Variants in KIF26B observed in about 807,000 individuals in gnomAD.
KIF26B encodes kinesin family member 26B.
In KIF26B, 63 loss-of-function variants were observed where a neutral mutation model predicts 151.2. That is an observed-to-expected ratio of 0.42 (90% confidence interval 0.34 to 0.51). The LOEUF (loss-of-function observed/expected upper bound fraction) is 0.51. KIF26B is among the 20% of genes least tolerant of loss of function. The pLI is 0.07. For synonymous variants in KIF26B, 1,357 were observed against 1,262.1 expected (o/e 1.08, Z -1.59); for missense variants, 2,813 against 2,913.6 (o/e 0.97, Z 0.79).
At chr1:245,193,209 A>T (rs1263780268) in intron 2 of KIF26B, among the ~76,000 whole-genome samples, 1 of 152,262 alleles carries the variant, frequency 6.6e-6, no homozygotes, top group Non-Finnish European at 1.5e-5. Context: ...ATGTTGCTGC[A>T]AAAGACATGA....
At chr1:245,326,000 A>G (rs546423730) in intron 2 of KIF26B, among the ~76,000 whole-genome samples, 1 of 152,118 alleles carries the variant, frequency 6.6e-6, no homozygotes. Context: ...AAGCAACAAC[A>G]TTGTCAACTG....
At position 245,702,428 on chromosome 1, in the gene KIF26B, C is replaced by T. The variant is rs750092334; in HGVS notation, c.6179-30C>T. 31 of 1,612,338 alleles carry T rather than the reference C, an allele frequency of 1.9e-5. No individual in the cohort carries two copies. Among genetic ancestry groups the T allele is most frequent in the East Asian group, 8.9e-5 (4 of 44,866 alleles). The stretch of plus-strand genomic sequence containing the variant: ...GTTGCTTCTCACCCTGTTTGCTCTG[C>T]GTCTCCATCAGGCTCTTCCTCTCTT... On this transcript the variant is annotated intron_variant, in intron 14 of 14. Coordinates refer to ENST00000407071, the MANE Select transcript of KIF26B (RefSeq NM_018012.4). The surrounding 1 kb of genome is among the most constrained non-coding windows in gnomAD (Gnocchi z 4.1).
rs1445840421 is a variant in KIF26B, at chr1:245,704,930, G to C, written c.*2324G>C. ...TGTTGGAAAGAAACTCATCTGATGA[G>C]TCATCGATGAGTTTGGCTTTCGCCC... On this transcript the variant is annotated 3_prime_UTR_variant, in exon 15 of 15. Coordinates refer to ENST00000407071, the MANE Select transcript of KIF26B (RefSeq NM_018012.4). 6.6e-6 allele frequency: 1 copy of C among 152,238 alleles called. No individual in the cohort carries two copies. Among genetic ancestry groups the C allele is most frequent in the Non-Finnish European group, 1.5e-5 (1 of 68,054 alleles). 9.4% of individuals were successfully genotyped at this position (152,238 alleles called of 1,614,324 possible). A position where few individuals can be genotyped will look rare whatever the true frequency, so the allele number is the denominator to read the frequency against.
chr1:245,686,642 G>A lies in KIF26B; in HGVS notation c.3659G>A (p.Arg1220Gln), dbSNP rs757235315. 14 of 1,610,768 alleles carry A rather than the reference G, an allele frequency of 8.7e-6. No homozygotes were observed. Among genetic ancestry groups the A allele is most frequent in the Middle Eastern group, 1.6e-4 (1 of 6,084 alleles). Reference protein sequence around the residue: ...IISFNSDCSARALASGSRPVS... With the variant: ...IISFNSDCSAQALASGSRPVS... ...AGCTTCAACAGCGACTGCTCTGCAC[G>A]GGCCCTGGCCTCGGGCTCGCGGCCC... Residue 1220 changes from arginine to glutamine, a missense_variant, in exon 12 of 15, where the codon CGG (arginine) becomes CAG (glutamine). Transcript: ENST00000407071. This position sits in a 1 kb window ranked among gnomAD's most constrained non-coding sequence, Gnocchi z 5.6.
intron 4 of KIF26B, among the ~76,000 whole-genome samples, chr1:245,484,766 CATA>C (rs1660242977): frequency 2.4e-5 from 3 of 123,260 alleles, no homozygotes; most frequent in Non-Finnish European, 3.4e-5. Context: ...TCTTCTTCTT[CATA>C]TTATTATTAT....
At chr1:245,571,007 A>T (rs954664472) in intron 5 of KIF26B, among the ~76,000 whole-genome samples, 3 of 152,228 alleles carry the variant, frequency 2.0e-5, no homozygotes, top group African/African-American at 7.2e-5. Flanking sequence ...GAATGATAAT[A>T]GTATCTGCTT....
At chr1:245,638,154 T>G (rs934516376) in intron 9 of KIF26B, among the ~76,000 whole-genome samples, 1 of 151,974 alleles carries the variant, frequency 6.6e-6, no homozygotes, top group Non-Finnish European at 1.5e-5. Context: ...TCCATTTATG[T>G]GCTCTTCAAT....
chr1:245,303,004 A>AAG (rs1558381413), intron 2 of KIF26B, among the ~76,000 whole-genome samples: 1 of 149,156 alleles, frequency 6.7e-6, no homozygotes, highest in African/African-American at 2.5e-5. Flanking sequence ...AAAAAAAAAA[A>AAG]AAAAAAAAAG....
At chr1:245,448,789 A>G (rs1398781948) in intron 4 of KIF26B, among the ~76,000 whole-genome samples, 1 of 152,236 alleles carries the variant, frequency 6.6e-6, no homozygotes, top group Non-Finnish European at 1.5e-5. Context: ...CTCTTGCATA[A>G]CACAACTACT....
rs1030791635 is a variant in KIF26B at position 245,689,499 on chromosome 1, C to T, written c.5824+692C>T. ...CACACCTGCCACAGGGCCTGCAGTG[C>T]CCCCCGCCACACACACCATGATGCC... On this transcript the variant is annotated intron_variant, in intron 12 of 14. Coordinates refer to ENST00000407071, the MANE Select transcript of KIF26B (RefSeq NM_018012.4). Among the ~76,000 whole-genome samples the T allele has an allele frequency of 5.3e-5, 8 of 151,636 alleles. No homozygotes were observed. The East Asian group carries it at 7.7e-4, about 15-fold the overall frequency.
At chr1:245,677,536 C>G (rs1337708636) in intron 10 of KIF26B, among the ~76,000 whole-genome samples, 2 of 152,234 alleles carry the variant, frequency 1.3e-5, no homozygotes, top group Non-Finnish European at 2.9e-5. Flanking sequence ...CTGAAAATGC[C>G]ATCAGGATAG....
chr1:245,414,921 G>T (rs1674379946), intron 3 of KIF26B, among the ~76,000 whole-genome samples: 1 of 152,178 alleles, frequency 6.6e-6, no homozygotes, highest in Non-Finnish European at 1.5e-5. Flanking sequence ...AGGTCAGATG[G>T]TAGAAGGAAG....
chr1:245,556,871 T>G (rs1253336971), intron 5 of KIF26B, among the ~76,000 whole-genome samples: 3 of 152,066 alleles, frequency 2.0e-5, no homozygotes, highest in Non-Finnish European at 4.4e-5. Flanking sequence ...ATGTTTTGTT[T>G]CTGCCTTTCC....
chr1:245,436,827 T>C (rs900110964), intron 4 of KIF26B, among the ~76,000 whole-genome samples: 6 of 151,906 alleles, frequency 3.9e-5, no homozygotes, highest in Admixed American at 3.9e-4. Context: ...ATTTATCAAG[T>C]GCATATTGAG....
rs972600862 is a variant in KIF26B at position 245,704,246 on chromosome 1, C to G, written c.*1640C>G. The stretch of plus-strand genomic sequence containing the variant: ...CATATCTTCATGAGCCTATTTATTT[C>G]CAAGCTAGGCTGTCTTTATTAACCA... On this transcript the variant is annotated 3_prime_UTR_variant, in exon 15 of 15. Transcript: ENST00000407071. The G allele has an allele frequency of 3.3e-5, 5 of 152,268 alleles. No homozygotes were observed. The highest frequency in any genetic ancestry group is 1.2e-4 in the African/African-American group (5 of 41,464). The allele number at this position is 152,268 out of a possible 1,614,324, so 9.4% of individuals were successfully genotyped here. A position where few individuals can be genotyped will look rare whatever the true frequency, so the allele number is the denominator to read the frequency against.
chr1:245,225,166 G>A (rs1045552737), intron 2 of KIF26B, among the ~76,000 whole-genome samples: 1 of 152,202 alleles, frequency 6.6e-6, no homozygotes, highest in African/African-American at 2.4e-5. Flanking sequence ...TGTGTAAAAA[G>A]CAAAGCTGGG....
intron 4 of KIF26B, among the ~76,000 whole-genome samples, chr1:245,531,747 G>T (rs1661366347): frequency 6.6e-6 from 1 of 152,144 alleles, no homozygotes; most frequent in Non-Finnish European, 1.5e-5. Context: ...GAAGCAAAAG[G>T]CCACATGGTC....
intron 2 of KIF26B, among the ~76,000 whole-genome samples, chr1:245,334,477 G>A (rs1188590147): frequency 6.6e-6 from 1 of 152,118 alleles, no homozygotes; most frequent in African/African-American, 2.4e-5. Context: ...GTGAAATTCC[G>A]ATCAGTCAGT....
rs538792225 is a variant in KIF26B at position 245,426,482 on chromosome 1, A to C, written c.1166+6737A>C. On this transcript the variant is annotated intron_variant, in intron 4 of 14. Transcript: ENST00000407071. ...GTCGGCCCAAACACATTCCTTTCTC[A>C]GGACGTGATTGTTTTTCTGTCCATC... 5.8e-4 allele frequency among the ~76,000 whole-genome samples: 88 copies of C among 152,116 alleles called. 1 individual carries two copies. The South Asian group carries it at 0.018, about 32-fold the overall frequency.
Sources: allele counts gnomAD v4.1 joint callset (sites outside exome capture counted in the v4.1 genomes callset), GRCh38; gene constraint gnomAD v4.1.1; non-coding constraint Gnocchi (gnomAD v3.1); transcripts MANE v1.5; gene names NCBI Gene and HGNC (gene_info 2026-07-23, HGNC 2026-07-21).